The following CCSER1 variants were observed in gnomAD, a reference collection of about 807,000 sequenced individuals.
CCSER1 encodes the protein coiled-coil serine rich protein 1, also known as serine-rich coiled-coil domain-containing protein 1.
CCSER1 carries 41 observed loss-of-function variants against 82.0 expected under a neutral mutation model. The observed-to-expected ratio is 0.50, with a 90% CI of 0.39 to 0.65. The LOEUF (loss-of-function observed/expected upper bound fraction) is 0.65, where lower values mean the gene tolerates loss of function less well. CCSER1 is among the 30% of genes least tolerant of loss of function. The pLI, the probability that CCSER1 is intolerant of heterozygous loss-of-function variation, is 0.00. For synonymous variants in CCSER1, 414 were observed against 383.9 expected (o/e 1.08, Z -0.92); for missense variants, 1,119 against 1,064.2 (o/e 1.05, Z -0.72).
At chr4:91,085,879 T>C in intron 9 of CCSER1, 71 bp from the exon 10 acceptor site, 1 of 859,962 alleles carries the variant, frequency 1.2e-6, no homozygotes. Flanking sequence ...ATTTCAAAAT[T>C]ATTGCACTAA....
intron 3 of CCSER1, among the ~76,000 whole-genome samples, chr4:90,353,597 A>T (rs1743886476): frequency 1.3e-5 from 2 of 152,104 alleles, no homozygotes; most frequent in Non-Finnish European, 2.9e-5. Flanking sequence ...GGCATCTCAC[A>T]TCCTCTCACC....
chr4:91,017,841 G>A lies in CCSER1; in HGVS notation c.2173-68109G>A, dbSNP rs72667516. Among the ~76,000 whole-genome samples the A allele has an allele frequency of 6.5e-3, 922 of 142,310 alleles. 6 individuals carry two copies. The highest frequency in any genetic ancestry group is 0.017 in the African/African-American group (635 of 37,996). 93.4% of individuals were successfully genotyped at this position (142,310 alleles called of 152,430 possible). On this transcript the variant is annotated intron_variant, in intron 9 of 10. Coordinates refer to ENST00000509176, the MANE Select transcript of CCSER1 (RefSeq NM_001145065.2). ...TGTGTGTGTGTGTGTGTGTGTGTGT[G>A]TATAAATTTTTTTAAGAGTCTCACT...
chr4:90,848,722 C>G (rs1763496384), intron 8 of CCSER1, among the ~76,000 whole-genome samples: 1 of 152,098 alleles, frequency 6.6e-6, no homozygotes, highest in Non-Finnish European at 1.5e-5. Context: ...TGTAATAATC[C>G]CCACGTATCA....
chr4:90,633,741 T>C (rs988675490), intron 6 of CCSER1, among the ~76,000 whole-genome samples: 1 of 151,980 alleles, frequency 6.6e-6, no homozygotes, highest in African/African-American at 2.4e-5. Flanking sequence ...TGGCTGAGCT[T>C]ACCGTTTTCC....
chr4:90,528,284 T>C (rs1774042665), intron 5 of CCSER1, among the ~76,000 whole-genome samples: 1 of 152,194 alleles, frequency 6.6e-6, no homozygotes, highest in South Asian at 2.1e-4. Context: ...GGTTTGTGAT[T>C]TTCGGTATTG....
chr4:91,530,627 C>A (rs1380264129), intron 10 of CCSER1, among the ~76,000 whole-genome samples: 1 of 151,078 alleles, frequency 6.6e-6, no homozygotes, highest in Non-Finnish European at 1.5e-5. Flanking sequence ...TTGACCTATA[C>A]AACTATGTAT....
chr4:90,744,941 T>C (rs1176461207), intron 7 of CCSER1, among the ~76,000 whole-genome samples: 11 of 142,352 alleles, frequency 7.7e-5, no homozygotes, highest in Non-Finnish European at 3.0e-5. Context: ...TACTAAAAAT[T>C]CATACATTTT....
At chr4:90,431,342 G>A (rs923293274) in intron 4 of CCSER1, among the ~76,000 whole-genome samples, 2 of 151,868 alleles carry the variant, frequency 1.3e-5, no homozygotes, top group Non-Finnish European at 2.9e-5. Flanking sequence ...GAAAGAGTGT[G>A]TAAAATAAAG....
chr4:90,605,665 C>T (rs1425122823), intron 5 of CCSER1, among the ~76,000 whole-genome samples: 1 of 152,092 alleles, frequency 6.6e-6, no homozygotes, highest in African/African-American at 2.4e-5. Flanking sequence ...AGCTTAAAAC[C>T]CTTGGTGATG....
chr4:90,967,799 C>A (rs1232242078), intron 9 of CCSER1, among the ~76,000 whole-genome samples: 1 of 151,934 alleles, frequency 6.6e-6, no homozygotes, highest in Non-Finnish European at 1.5e-5. Flanking sequence ...CATATTTTTT[C>A]ACAATCTCCC....
intron 10 of CCSER1, among the ~76,000 whole-genome samples, chr4:91,128,559 TACAAA>T (rs1215146750): frequency 6.6e-6 from 1 of 152,030 alleles, no homozygotes; most frequent in East Asian, 1.9e-4. Flanking sequence ...TGGAAATTAA[TACAAA>T]ACAAAACAAA....
chr4:90,714,568 A>T (rs1741277385), intron 6 of CCSER1, among the ~76,000 whole-genome samples: 1 of 152,006 alleles, frequency 6.6e-6, no homozygotes, highest in Admixed American at 6.6e-5. Context: ...GGGGTCAGAG[A>T]CAGAATTTCT....
chr4:91,321,427 G>A, intron 10 of CCSER1, among the ~76,000 whole-genome samples: 1 of 151,968 alleles, frequency 6.6e-6, no homozygotes, highest in Non-Finnish European at 1.5e-5. Flanking sequence ...AGACTAGTTG[G>A]GAAGTAGAAA....
intron 10 of CCSER1, among the ~76,000 whole-genome samples, chr4:91,290,457 T>C (rs1273664211): frequency 6.6e-6 from 1 of 152,048 alleles, no homozygotes; most frequent in East Asian, 1.9e-4. Context: ...CATTTCTTTT[T>C]ATTTGTGTAT....
At chr4:91,153,178 G>C (rs1395435803) in intron 10 of CCSER1, among the ~76,000 whole-genome samples, 1 of 151,888 alleles carries the variant, frequency 6.6e-6, no homozygotes, top group Non-Finnish European at 1.5e-5. Context: ...TTTTCACATA[G>C]TCCCATATTT....
intron 9 of CCSER1, among the ~76,000 whole-genome samples, chr4:91,003,181 C>T (rs1738194481): frequency 6.6e-6 from 1 of 152,090 alleles, no homozygotes. Context: ...CTGTGAGGGT[C>T]CTTGGCTTTG....
At chr4:90,793,387 A>C (rs1420999459) in intron 7 of CCSER1, among the ~76,000 whole-genome samples, 1 of 152,102 alleles carries the variant, frequency 6.6e-6, no homozygotes, top group East Asian at 1.9e-4. Flanking sequence ...CTATGTGTCC[A>C]TGTGTTCTTA....
At chr4:90,881,095 T>A (rs1721243886) in intron 8 of CCSER1, among the ~76,000 whole-genome samples, 1 of 152,012 alleles carries the variant, frequency 6.6e-6, no homozygotes, top group Non-Finnish European at 1.5e-5. Flanking sequence ...TAAGTATGAT[T>A]TCTTATATGA....
At chr4:90,781,253 A>AG (rs1753736569) in intron 7 of CCSER1, 1 of 984,574 alleles carries the variant, frequency 1.0e-6, no homozygotes, top group Non-Finnish European at 1.2e-6. Flanking sequence ...TGGAATAGAA[A>AG]GAGTATGCAC....
Sources: gnomAD v4.1 joint callset for allele counts (sites outside exome capture counted in the v4.1 genomes callset) on GRCh38, gnomAD v4.1.1 for gene constraint, MANE v1.5 for transcripts, NCBI Gene and HGNC (gene_info 2026-07-23, HGNC 2026-07-21) for gene names.